Variants in CC2D1A observed in about 807,000 individuals in gnomAD.
The protein encoded by CC2D1A is coiled-coil and C2 domain containing 1A, also known as coiled-coil and C2 domain-containing protein 1A.
A neutral mutation model predicts 123.8 loss-of-function variants in CC2D1A; 68 were observed. The observed-to-expected ratio is 0.55, with a 90% CI of 0.45 to 0.67. The LOEUF is 0.67. Among genes scored for constraint, CC2D1A ranks in the 30% least tolerant of loss-of-function variants. The pLI, the probability that CC2D1A is intolerant of heterozygous loss-of-function variation, is 0.00. For missense variants in CC2D1A, 1,185 were observed against 1,290.3 expected (o/e 0.92, Z 1.25); for synonymous variants, 477 against 528.0 (o/e 0.90, Z 1.32).
rs991652616 is a variant in CC2D1A at position 13,906,486 on chromosome 19, C to T, written c.45C>T (p.Ala15=). ...CCCCGGGACCCCCGGGCAGAGGCGC[C>T]GCGGCCGCCCGCCAGGTGAGTTTGC... The part of the protein sequence containing the change: ...KGPPGPPGRG[A]AAARQLGLLV... The change falls in exon 1 of 29, where the codon GCC becomes GCT. Residue 15 remains alanine (A), a synonymous_variant. Transcript: ENST00000318003. This position sits in a 1 kb window ranked among gnomAD's most constrained non-coding sequence, Gnocchi z 4.1. 4.7e-6 allele frequency: 7 copies of T among 1,499,718 alleles called. No homozygotes were observed. Among genetic ancestry groups the T allele is most frequent in the South Asian group, 1.2e-5 (1 of 80,118 alleles). The allele number at this position is 1,499,718 out of a possible 1,614,324, so 92.9% of individuals were successfully genotyped here.
chr19:13,910,299 T>C (rs1306134833), intron 2 of CC2D1A, among the ~76,000 whole-genome samples: 1 of 147,504 alleles, frequency 6.8e-6, no homozygotes, highest in Non-Finnish European at 1.5e-5. Context: ...TCCCAGCTAC[T>C]CAGGAGGCTG....
chr19:13,930,313 G>A lies in CC2D1A; in HGVS notation c.2835+24G>A. 2.5e-6 allele frequency: 4 copies of A among 1,613,908 alleles called. No homozygotes were observed. The South Asian group carries it at 4.4e-5, about 18-fold the overall frequency. On this transcript the variant is annotated intron_variant, in intron 28 of 28. Coordinates refer to ENST00000318003, the MANE Select transcript of CC2D1A (RefSeq NM_017721.5). The surrounding 1 kb of genome is among the most constrained non-coding windows in gnomAD (Gnocchi z 6.8). The stretch of plus-strand genomic sequence containing the variant: ...AGGTAAGCAGCTTAGGAGATGGGGT[G>A]GTTGGGGGATCACTGTGGTCGTAGC...
Position 13,927,903 on chromosome 19 carries a change from G to T in CC2D1A, c.2327G>T (p.Gly776Val), listed in dbSNP as rs766581070. 6.2e-7 allele frequency: 1 copy of T among 1,613,276 alleles called. No individual in the cohort carries two copies. The highest frequency in any genetic ancestry group is 1.3e-5 in the African/African-American group (1 of 74,866). The change falls in exon 23 of 29, where the codon GGT (glycine) becomes GTT (valine). Residue 776 changes from glycine to valine, a missense_variant. Transcript: ENST00000318003. ...EVREILEVLD[G>V]RRPTGGRLEV... The stretch of plus-strand genomic sequence containing the variant: ...CTTACCCCCACCCAGGTCCTGGATG[G>T]TCGCCGGCCCACAGGGGGGCGACTG...
chr19:13,913,406 A>G lies in CC2D1A; in HGVS notation c.516A>G (p.Thr172=). Residue 172 remains threonine (T), a splice_region_variant and synonymous_variant, in exon 6 of 29, where the codon ACA becomes ACG. Transcript: ENST00000318003. ...CCAATACTCACGCCTTATCTTAGAC[A>G]CTGGAAAACCTGCTCGCCTCCATCC... ...KMRRYDRGLK[T]LENLLASIRK... is the part of the protein sequence containing the mutation. 6.2e-7 allele frequency: 1 copy of G among 1,613,892 alleles called. No homozygotes were observed. The highest frequency in any genetic ancestry group is 1.1e-5 in the South Asian group (1 of 91,030).
At chr19:13,915,516 G>A (rs1205926386) in intron 6 of CC2D1A, among the ~76,000 whole-genome samples, 1 of 152,152 alleles carries the variant, frequency 6.6e-6, no homozygotes, top group African/African-American at 2.4e-5. Flanking sequence ...CCAAAGTGCG[G>A]GGATTACAGG....
chr19:13,915,310 A>G (rs1438027700), intron 6 of CC2D1A, among the ~76,000 whole-genome samples: 3 of 152,182 alleles, frequency 2.0e-5, no homozygotes, highest in Non-Finnish European at 2.9e-5. Flanking sequence ...CGATGGCGTG[A>G]TCTCGGCTCA....
In CC2D1A at chr19:13,906,645, A is replaced by G. The variant is rs1319985874; in HGVS notation, c.60+144A>G. On this transcript the variant is annotated intron_variant, in intron 1 of 28. Coordinates refer to ENST00000318003, the MANE Select transcript of CC2D1A (RefSeq NM_017721.5). The surrounding 1 kb of genome is among the most constrained non-coding windows in gnomAD (Gnocchi z 4.1). The stretch of plus-strand genomic sequence containing the variant: ...CCGCCTCCCCCCAGGTGAGGCTCCA[A>G]CACCACCCAAGTGTGGCCTACTGGC... The G allele has an allele frequency of 3.7e-6, 2 of 534,340 alleles. No individual in the cohort carries two copies. 33.1% of individuals were successfully genotyped at this position (534,340 alleles called of 1,614,324 possible).
At chr19:13,910,910 C>T (rs1332911661) in intron 2 of CC2D1A, among the ~76,000 whole-genome samples, 1 of 151,112 alleles carries the variant, frequency 6.6e-6, no homozygotes, top group African/African-American at 2.4e-5. Flanking sequence ...GATCCTGTTT[C>T]CAAAAAACAA....
At position 13,926,772 on chromosome 19, in the gene CC2D1A, A is replaced by C. The variant is rs377396616; in HGVS notation, c.2073+47A>C. 4.4e-4 allele frequency: 709 copies of C among 1,613,698 alleles called. 5 individuals carry two copies. Among genetic ancestry groups the C allele is most frequent in the Non-Finnish European group, 6.0e-5 (71 of 1,179,802 alleles). On this transcript the variant is annotated intron_variant, in intron 19 of 28. Transcript: ENST00000318003. ...GGAGGGCTGCAGCCTCAGTGGGCCA[A>C]AGCCAGGTCCCAGGCCCCCTAGATT...
intron 11 of CC2D1A, 120 bp downstream of exon 11, chr19:13,919,322 T>C (rs1971327118): frequency 1.4e-6 from 1 of 736,962 alleles, no homozygotes; most frequent in Non-Finnish European, 2.2e-6. Flanking sequence ...CTCTGAGCCT[T>C]GGCAGATGCT....
chr19:13,921,449 G>A (rs111340568), intron 14 of CC2D1A, among the ~76,000 whole-genome samples: 1 of 152,186 alleles, frequency 6.6e-6, no homozygotes, highest in Non-Finnish European at 1.5e-5. Flanking sequence ...ACTTAGGACA[G>A]GACCATTCCT....
Position 13,912,598 on chromosome 19 carries a change from A to G in CC2D1A, c.378+5A>G. 6.2e-7 allele frequency: 1 copy of G among 1,613,780 alleles called. No individual in the cohort carries two copies. The highest frequency in any genetic ancestry group is 8.5e-7 in the Non-Finnish European group (1 of 1,179,948). ...ACCCCACCTCCTGTGGCCCAGGTAC[A>G]GTTTGGATGACTCCACTCCCTTGAA... is the stretch of plus-strand genomic sequence containing the variant. On this transcript the variant is annotated splice_donor_5th_base_variant and intron_variant, in intron 4 of 28. Transcript: ENST00000318003.
Position 13,923,793 on chromosome 19 carries a change from G to C in CC2D1A, c.1922G>C (p.Arg641Thr), listed in dbSNP as rs576790783. 6.2e-7 allele frequency: 1 copy of C among 1,613,822 alleles called. No homozygotes were observed. The change falls in exon 17 of 29, where the codon AGG (arginine) becomes ACG (threonine). Residue 641 changes from arginine (R) to threonine (T), a missense_variant. Physicochemically the swap from Arg to Thr is moderately conservative, Grantham distance 71. Transcript: ENST00000318003. This position sits in a 1 kb window ranked among gnomAD's most constrained non-coding sequence, Gnocchi z 5.3. Reference sequence around the variant, plus strand: ...ACGCCCACCGCCCGCTTTGAGCAAAGGACCTTCAGCGTCATCAAGTAAGGC... The same window carrying C: ...ACGCCCACCGCCCGCTTTGAGCAAACGACCTTCAGCGTCATCAAGTAAGGC... ...LPTPTARFEQ[R>T]TFSVIKIFPD...
Position 13,918,585 on chromosome 19 carries a change from C to A in CC2D1A, c.946+9C>A. The A allele has an allele frequency of 6.2e-7, 1 of 1,612,420 alleles. No individual in the cohort carries two copies. Among genetic ancestry groups the A allele is most frequent in the Non-Finnish European group, 8.5e-7 (1 of 1,179,512 alleles). On this transcript the variant is annotated intron_variant, in intron 8 of 28. Transcript: ENST00000318003. ...CCTGCCCCCTCCACCCGGTGAGAAC[C>A]CTGCCATGCCCACTCTCTGGGATGG...
At chr19:13,920,214 G>A (rs1009166767) in intron 12 of CC2D1A, 28 of 513,516 alleles carry the variant, frequency 5.5e-5, no homozygotes, top group Non-Finnish European at 1.4e-5. Context: ...TCATGCCACT[G>A]TACGCCAGTC....
chr19:13,922,781 G>A (rs1193250309), intron 14 of CC2D1A, among the ~76,000 whole-genome samples: 3 of 151,952 alleles, frequency 2.0e-5, no homozygotes, highest in East Asian at 1.9e-4. Context: ...CAATCCACCC[G>A]CCTTAGCCTC....
At chr19:13,927,784 A>C (rs1309359804) in intron 22 of CC2D1A, 109 bp from the exon 23 acceptor site, 9 of 841,514 alleles carry the variant, frequency 1.1e-5, no homozygotes, top group Non-Finnish European at 1.5e-5. Flanking sequence ...TCTATCTCAG[A>C]AAAAAAAAAA....
intron 2 of CC2D1A, among the ~76,000 whole-genome samples, chr19:13,911,526 GT>G (rs1568404393): frequency 6.8e-6 from 1 of 147,024 alleles, no homozygotes; most frequent in East Asian, 2.0e-4. Context: ...GGTTTTTTTT[GT>G]TGTTGTTGTG....
chr19:13,912,402 G>A lies in CC2D1A; in HGVS notation c.276G>A (p.Thr92=), dbSNP rs1199164606. 34 of 1,613,584 alleles carry A rather than the reference G, an allele frequency of 2.1e-5. No individual in the cohort carries two copies. Among genetic ancestry groups the A allele is most frequent in the South Asian group, 3.3e-5 (3 of 90,988 alleles). The change falls in exon 3 of 29, where the codon ACG becomes ACA. Residue 92 remains threonine, a synonymous_variant. Transcript: ENST00000318003. ...RDPDEDEEEG[T]DEDDLEADDD... ...CGGATGAGGATGAGGAGGAGGGGACGGATGAGGACGACTTGGAGGCTGATG... is the reference window on the plus strand; with the variant it reads ...CGGATGAGGATGAGGAGGAGGGGACAGATGAGGACGACTTGGAGGCTGATG...
Sources: gnomAD v4.1 joint callset for allele counts (sites outside exome capture counted in the v4.1 genomes callset) on GRCh38, gnomAD v4.1.1 for gene constraint, Gnocchi (gnomAD v3.1) non-coding constraint, MANE v1.5 for transcripts, NCBI Gene and HGNC (gene_info 2026-07-23, HGNC 2026-07-21) for gene names.